Variants in KCNN2 observed in about 807,000 individuals in gnomAD.
KCNN2 encodes the protein potassium calcium-activated channel subfamily N member 2.
In KCNN2, 24 loss-of-function variants were observed where a neutral mutation model predicts 55.5. The ratio of observed to expected loss-of-function variants is 0.43; its 90% CI spans 0.31 to 0.61. KCNN2 has a LOEUF of 0.61. Ranked by LOEUF, KCNN2 falls within the 20% of genes least tolerant of loss-of-function variation. The pLI, the probability that KCNN2 is intolerant of heterozygous loss-of-function variation, is 0.08. For missense variants in KCNN2, 754 were observed against 853.6 expected (o/e 0.88, Z 1.45); for synonymous variants, 431 against 336.1 (o/e 1.28, Z -3.09).
chr5:114,279,135 C>A (rs773726584), intron 2 of KCNN2, among the ~76,000 whole-genome samples: 1 of 151,816 alleles, frequency 6.6e-6, no homozygotes, highest in Non-Finnish European at 1.5e-5. Context: ...TAATAATGCC[C>A]TTGCCATTTG....
chr5:114,150,510 G>T (rs1287636607), intron 1 of KCNN2, among the ~76,000 whole-genome samples: 2 of 152,180 alleles, frequency 1.3e-5, no homozygotes, highest in South Asian at 4.1e-4. Context: ...CAGCATGAAA[G>T]ACCAAAGATA....
At chr5:114,135,673 A>G (rs953620244) in intron 1 of KCNN2, among the ~76,000 whole-genome samples, 2 of 152,248 alleles carry the variant, frequency 1.3e-5, no homozygotes, top group African/African-American at 4.8e-5. Context: ...CAGATAGGCA[A>G]TAGTTAACAG....
intron 3 of KCNN2, among the ~76,000 whole-genome samples, chr5:114,441,678 G>C (rs1019317150): frequency 2.0e-5 from 3 of 152,022 alleles, no homozygotes; most frequent in Non-Finnish European, 1.5e-5. Context: ...ACATGTTTGT[G>C]TGATCATGTA....
chr5:114,126,714 C>T (rs1751939607), intron 1 of KCNN2, among the ~76,000 whole-genome samples: 1 of 152,102 alleles, frequency 6.6e-6, no homozygotes, highest in Non-Finnish European at 1.5e-5. Context: ...TCCCCCAAAG[C>T]CTTAACTCAT....
chr5:114,305,387 G>A (rs567233105), intron 2 of KCNN2, among the ~76,000 whole-genome samples: 2 of 152,286 alleles, frequency 1.3e-5, no homozygotes, highest in East Asian at 3.9e-4. Flanking sequence ...TTAGGCTCAG[G>A]AGCCTGCTTA....
At chr5:114,210,504 T>C (rs1284890603) in intron 1 of KCNN2, among the ~76,000 whole-genome samples, 1 of 152,196 alleles carries the variant, frequency 6.6e-6, no homozygotes, top group African/African-American at 2.4e-5. Flanking sequence ...TACAAGCTTG[T>C]AAAAGTAGTC....
intron 2 of KCNN2, among the ~76,000 whole-genome samples, chr5:114,349,332 A>C (rs1258327949): frequency 6.6e-6 from 1 of 152,074 alleles, no homozygotes; most frequent in Non-Finnish European, 1.5e-5. Context: ...ACAGTTTGAA[A>C]ATTTTTGAGC....
intron 1 of KCNN2, among the ~76,000 whole-genome samples, chr5:114,127,547 A>C (rs1751964257): frequency 6.6e-6 from 1 of 151,876 alleles, no homozygotes. Context: ...GGCCTACAAA[A>C]CCATTTTTTC....
At chr5:114,312,434 C>CACACAT (rs1561566604) in intron 2 of KCNN2, among the ~76,000 whole-genome samples, 17 of 23,396 alleles carry the variant, frequency 7.3e-4, no homozygotes, top group Non-Finnish European at 1.1e-3. Flanking sequence ...CACACACACA[C>CACACAT]ATATATATAT....
chr5:114,344,223 C>T (rs1757067747), intron 2 of KCNN2, among the ~76,000 whole-genome samples: 1 of 152,174 alleles, frequency 6.6e-6, no homozygotes, highest in Non-Finnish European at 1.5e-5. Context: ...GGAGCCCAGT[C>T]ACCAAGACTT....
chr5:114,091,726 A>T (rs1751148025), intron 1 of KCNN2, among the ~76,000 whole-genome samples: 1 of 152,214 alleles, frequency 6.6e-6, no homozygotes, highest in Non-Finnish European at 1.5e-5. Flanking sequence ...CACCTTCTTC[A>T]CGAGGTGGCA....
chr5:114,130,525 C>G (rs1752050675), intron 1 of KCNN2, among the ~76,000 whole-genome samples: 1 of 152,160 alleles, frequency 6.6e-6, no homozygotes, highest in Non-Finnish European at 1.5e-5. Context: ...AATTCAGATT[C>G]TGTAATTCTG....
intron 1 of KCNN2, among the ~76,000 whole-genome samples, chr5:114,168,174 T>TAC (rs10654082): frequency 0.024 from 3,533 of 148,642 alleles, 69 homozygotes; most frequent in African/African-American, 0.048. Context: ...TGGATATATA[T>TAC]ACACACACAC....
chr5:114,202,687 C>T (rs1043570908), intron 1 of KCNN2, among the ~76,000 whole-genome samples: 7 of 149,496 alleles, frequency 4.7e-5, no homozygotes, highest in East Asian at 2.0e-4. Flanking sequence ...CCCGGGTTCA[C>T]GCCATTCTCC....
intron 2 of KCNN2, among the ~76,000 whole-genome samples, chr5:114,297,273 G>T (rs1756033275): frequency 6.6e-6 from 1 of 152,072 alleles, no homozygotes; most frequent in Admixed American, 6.6e-5. Flanking sequence ...AGCTGTGATT[G>T]CACCACTGCA....
chr5:114,291,694 G>C (rs146989423), intron 2 of KCNN2, among the ~76,000 whole-genome samples: 1 of 151,996 alleles, frequency 6.6e-6, no homozygotes, highest in Admixed American at 6.5e-5. Flanking sequence ...ATAATCCTTT[G>C]GGTATATACC....
chr5:114,214,554 G>A (rs1395283658), intron 1 of KCNN2, among the ~76,000 whole-genome samples: 1 of 152,082 alleles, frequency 6.6e-6, no homozygotes. Context: ...GGAAAAAGTT[G>A]ACAAAGGTAA....
chr5:114,159,814 A>G (rs1441851129), intron 1 of KCNN2, among the ~76,000 whole-genome samples: 1 of 152,096 alleles, frequency 6.6e-6, no homozygotes, highest in Non-Finnish European at 1.5e-5. Context: ...GTATTCTCTG[A>G]TGGTAGTTTG....
At chr5:114,165,291 A>T (rs775944055) in intron 1 of KCNN2, among the ~76,000 whole-genome samples, 14 of 151,918 alleles carry the variant, frequency 9.2e-5, no homozygotes, top group Admixed American at 8.5e-4. Context: ...CTCTTCCTCT[A>T]CCTCTTCAGC....
Sources: gnomAD v4.1 joint callset for allele counts (sites outside exome capture counted in the v4.1 genomes callset) on GRCh38, gnomAD v4.1.1 for gene constraint, MANE v1.5 for transcripts, NCBI Gene and HGNC (gene_info 2026-07-23, HGNC 2026-07-21) for gene names.